SHFL: variants seen among roughly 807,000 people sequenced by gnomAD.
SHFL encodes shiftless antiviral inhibitor of ribosomal frameshifting protein.
SHFL carries 12 observed loss-of-function variants against 34.7 expected under a neutral mutation model. That is an observed-to-expected ratio of 0.35 (90% confidence interval 0.22 to 0.56). SHFL has a LOEUF of 0.56. SHFL is among the 20% of genes least tolerant of loss of function. SHFL has a pLI of 0.88. For synonymous variants in SHFL, 148 were observed against 156.0 expected (o/e 0.95, Z 0.38); for missense variants, 278 against 411.1 (o/e 0.68, Z 2.80).
chr19:10,092,541 C>T lies in SHFL; in HGVS notation c.*239C>T. The T allele has an allele frequency of 6.4e-7, 1 of 1,553,630 alleles. No individual in the cohort carries two copies. The highest frequency in any genetic ancestry group is 8.7e-7 in the Non-Finnish European group (1 of 1,146,574). ...AGGTGTGGCCAGAACAACTTGGGCT[C>T]CTGCTGACCAATGTCCTCTAGGGCC... is the stretch of plus-strand genomic sequence containing the variant. On this transcript the variant is annotated 3_prime_UTR_variant, in exon 8 of 8. Coordinates refer to ENST00000253110, the MANE Select transcript of SHFL (RefSeq NM_018381.4).
At chr19:10,087,091 C>T (rs754646972) in intron 2 of SHFL, 39 bp downstream of exon 2, 9 of 1,597,498 alleles carry the variant, frequency 5.6e-6, no homozygotes, top group East Asian at 2.3e-5. Context: ...GCGGGGACCG[C>T]GCGTGGGAGC....
At chr19:10,087,138 C>A (rs1477066680) in intron 2 of SHFL, 86 bp downstream of exon 2, 3 of 1,586,020 alleles carry the variant, frequency 1.9e-6, no homozygotes, top group Non-Finnish European at 1.7e-6. Flanking sequence ...GCGTTGAGAT[C>A]ACCTCCCCCG....
At position 10,086,723 on chromosome 19, in the gene SHFL, C is replaced by G; in HGVS notation, c.22-206C>G. On this transcript the variant is annotated intron_variant, in intron 1 of 7. Transcript: ENST00000253110. This position sits in a 1 kb window ranked among gnomAD's most constrained non-coding sequence, Gnocchi z 5.2. ...CCCCCCCACACCTTAGGCTGGGACGCTCGCCCCAGTCCGCGCCTTCCCCCA... is the reference window on the plus strand; with the variant it reads ...CCCCCCCACACCTTAGGCTGGGACGGTCGCCCCAGTCCGCGCCTTCCCCCA... The G allele has an allele frequency of 1.5e-6, 1 of 657,482 alleles. No homozygotes were observed. The highest frequency in any genetic ancestry group is 2.6e-6 in the Non-Finnish European group (1 of 390,212). The allele number at this position is 657,482 out of a possible 1,614,324, so 40.7% of individuals were successfully genotyped here.
At position 10,091,288 on chromosome 19, in the gene SHFL, A is replaced by T; in HGVS notation, c.423A>T (p.Pro141=). The T allele has an allele frequency of 1.2e-6, 2 of 1,613,918 alleles. No homozygotes were observed. Among genetic ancestry groups the T allele is most frequent in the Non-Finnish European group, 1.7e-6 (2 of 1,179,846 alleles). The change falls in exon 6 of 8, where the codon CCA becomes CCT. Residue 141 remains proline (P), a synonymous_variant. Coordinates refer to ENST00000253110, the MANE Select transcript of SHFL (RefSeq NM_018381.4). This position sits in a 1 kb window ranked among gnomAD's most constrained non-coding sequence, Gnocchi z 8.2. ...GGAAATGCCGGAAGCGCTACGAGCC[A>T]GTGCCAGCTGACAAGATGTGGGGCC... is the stretch of plus-strand genomic sequence containing the variant. ...RCRKCRKRYE[P]VPADKMWGLA...
rs1326075590 is a variant in SHFL at position 10,087,200 on chromosome 19, C to T, written c.146-51C>T. 7 of 1,610,148 alleles carry T rather than the reference C, an allele frequency of 4.3e-6. No individual in the cohort carries two copies. In the East Asian group the frequency reaches 1.6e-4, roughly 36 times the overall value. On this transcript the variant is annotated intron_variant, in intron 2 of 7. Coordinates refer to ENST00000253110, the MANE Select transcript of SHFL (RefSeq NM_018381.4). ...CGTCGCGGCTCTGGGTGGCCTGGAACTCCCACAGACCCTTCAAGGGCCCTT... is the reference window on the plus strand; with the variant it reads ...CGTCGCGGCTCTGGGTGGCCTGGAATTCCCACAGACCCTTCAAGGGCCCTT...
rs2088290657 is a variant in SHFL, at chr19:10,086,716, T to C, written c.22-213T>C. ...CTGGCCGCCCCCCCACACCTTAGGC[T>C]GGGACGCTCGCCCCAGTCCGCGCCT... On this transcript the variant is annotated intron_variant, in intron 1 of 7. Coordinates refer to ENST00000253110, the MANE Select transcript of SHFL (RefSeq NM_018381.4). This position sits in a 1 kb window ranked among gnomAD's most constrained non-coding sequence, Gnocchi z 5.2. 2 of 637,646 alleles carry C rather than the reference T, an allele frequency of 3.1e-6. No homozygotes were observed. The highest frequency in any genetic ancestry group is 6.0e-5 in the Admixed American group (2 of 33,396). The allele number at this position is 637,646 out of a possible 1,614,324, so 39.5% of individuals were successfully genotyped here. A position where few individuals can be genotyped will look rare whatever the true frequency, so the allele number is the denominator to read the frequency against.
intron 3 of SHFL, chr19:10,088,987 ATAATAT>A (rs1293907235): frequency 1.2e-3 from 182 of 145,924 alleles, no homozygotes; most frequent in Middle Eastern, 7.0e-3. Context: ...AATAATAATA[ATAATAT>A]TAGCAGAGAG....
Position 10,092,589 on chromosome 19 carries a change from T to C in SHFL, c.*287T>C, listed in dbSNP as rs754053602. 5.0e-6 allele frequency: 8 copies of C among 1,600,568 alleles called. No individual in the cohort carries two copies. Among genetic ancestry groups the C allele is most frequent in the Non-Finnish European group, 6.8e-6 (8 of 1,170,636 alleles). ...GCCTAGGGGACAGAGGAACACAGAG[T>C]CACAGCTTCAGGGGCCGAATGAGCA... On this transcript the variant is annotated 3_prime_UTR_variant, in exon 8 of 8. Transcript: ENST00000253110.
At position 10,092,602 on chromosome 19, in the gene SHFL, G is replaced by C; in HGVS notation, c.*300G>C. 6.2e-7 allele frequency: 1 copy of C among 1,606,906 alleles called. No individual in the cohort carries two copies. Among genetic ancestry groups the C allele is most frequent in the South Asian group, 1.1e-5 (1 of 90,586 alleles). ...AGGAACACAGAGTCACAGCTTCAGGGGCCGAATGAGCATGGCGGCCTTCCT... is the reference window on the plus strand; with the variant it reads ...AGGAACACAGAGTCACAGCTTCAGGCGCCGAATGAGCATGGCGGCCTTCCT... On this transcript the variant is annotated 3_prime_UTR_variant, in exon 8 of 8. Transcript: ENST00000253110.
At chr19:10,089,329 G>C (rs1454893510) in intron 3 of SHFL, 5 of 1,598,352 alleles carry the variant, frequency 3.1e-6, no homozygotes, top group Non-Finnish European at 4.2e-6. Context: ...TGGCCTCAAA[G>C]GGGCGATATG....
rs141813004 is a variant in SHFL, at chr19:10,092,715, G to A, written c.*413G>A. 3.2e-5 allele frequency: 52 copies of A among 1,613,920 alleles called. No individual in the cohort carries two copies. Among genetic ancestry groups the A allele is most frequent in the African/African-American group, 4.0e-5 (3 of 75,034 alleles). On this transcript the variant is annotated 3_prime_UTR_variant, in exon 8 of 8. Coordinates refer to ENST00000253110, the MANE Select transcript of SHFL (RefSeq NM_018381.4). ...AGTGGCCGCCGTGGTGCCACACACCGTTGAGGTTGGAGTGGGCACAGGCAT... is the reference window on the plus strand; with the variant it reads ...AGTGGCCGCCGTGGTGCCACACACCATTGAGGTTGGAGTGGGCACAGGCAT...
rs1482586708 is a variant in SHFL at position 10,091,092 on chromosome 19, A to T, written c.385-158A>T. Among the ~76,000 whole-genome samples the T allele has an allele frequency of 6.6e-6, 1 of 152,164 alleles. No individual in the cohort carries two copies. The highest frequency in any genetic ancestry group is 6.5e-5 in the Admixed American group (1 of 15,274). On this transcript the variant is annotated intron_variant, in intron 5 of 7. Coordinates refer to ENST00000253110, the MANE Select transcript of SHFL (RefSeq NM_018381.4). This position sits in a 1 kb window ranked among gnomAD's most constrained non-coding sequence, Gnocchi z 8.2. ...TTTCTGTGGTGTAAATATTCCCACC[A>T]TGGTCAATATCAGGCTACCCACGTG...
chr19:10,086,811 G>GA lies in SHFL; in HGVS notation c.22-118_22-117insA. 1 of 1,214,630 alleles carries GA rather than the reference G, an allele frequency of 8.2e-7. No individual in the cohort carries two copies. Among genetic ancestry groups the GA allele is most frequent in the Non-Finnish European group, 1.1e-6 (1 of 872,398 alleles). The allele number at this position is 1,214,630 out of a possible 1,614,324, so 75.2% of individuals were successfully genotyped here. A position where few individuals can be genotyped will look rare whatever the true frequency, so the allele number is the denominator to read the frequency against. On this transcript the variant is annotated intron_variant, in intron 1 of 7. Coordinates refer to ENST00000253110, the MANE Select transcript of SHFL (RefSeq NM_018381.4). This position sits in a 1 kb window ranked among gnomAD's most constrained non-coding sequence, Gnocchi z 5.2. ...CGTAAAGGGATGAAAGGCGGGGGGG[G>GA]GGCGGCGGAGGCCAAAACCAAGGGT...
rs2088426527 is a variant in SHFL, at chr19:10,092,842, A to G, written c.*540A>G. The G allele has an allele frequency of 1.5e-6, 2 of 1,375,640 alleles. No homozygotes were observed. Among genetic ancestry groups the G allele is most frequent in the Non-Finnish European group, 1.9e-6 (2 of 1,027,590 alleles). 85.2% of individuals were successfully genotyped at this position (1,375,640 alleles called of 1,614,324 possible). ...ATAAAAGCCTCTACCTGCACCTCAC[A>G]GTGCAAGGCTTTTGCCAGGCATCCC... On this transcript the variant is annotated 3_prime_UTR_variant, in exon 8 of 8. Transcript: ENST00000253110.
chr19:10,089,496 C>T, intron 3 of SHFL, 161 bp from the exon 4 acceptor site: 2 of 1,365,554 alleles, frequency 1.5e-6, no homozygotes, highest in South Asian at 1.2e-5. Flanking sequence ...ATGAGGACAA[C>T]TGAGGCCACA....
At chr19:10,087,362 C>T in intron 3 of SHFL, 62 bp downstream of exon 3, 1 of 1,585,898 alleles carries the variant, frequency 6.3e-7, no homozygotes. Flanking sequence ...GAGGGGGGAC[C>T]CGACCCGTTC....
chr19:10,091,118 A>C lies in SHFL; in HGVS notation c.385-132A>C, dbSNP rs564854130. The C allele has an allele frequency of 9.9e-5, 66 of 666,144 alleles. No individual in the cohort carries two copies. In the African/African-American group the frequency reaches 1.2e-3, roughly 12 times the overall value. 41.3% of individuals were successfully genotyped at this position (666,144 alleles called of 1,614,324 possible). The stretch of plus-strand genomic sequence containing the variant: ...TGGTCAATATCAGGCTACCCACGTG[A>C]AGTCACTGATTGAGTTGGGTTGCTC... On this transcript the variant is annotated intron_variant, in intron 5 of 7. Coordinates refer to ENST00000253110, the MANE Select transcript of SHFL (RefSeq NM_018381.4). This position sits in a 1 kb window ranked among gnomAD's most constrained non-coding sequence, Gnocchi z 8.2.
At chr19:10,087,994 C>G (rs2088315855) in intron 3 of SHFL, 1 of 152,342 alleles carries the variant, frequency 6.6e-6, no homozygotes, top group African/African-American at 2.4e-5. Context: ...GGCGCGGTGG[C>G]TCACGCCTGC....
rs560197029 is a variant in SHFL, at chr19:10,087,960, G to T, written c.195+660G>T. The T allele has an allele frequency of 9.7e-5, 15 of 154,832 alleles. No individual in the cohort carries two copies. In the South Asian group the frequency reaches 2.9e-3, roughly 29 times the overall value. The allele number at this position is 154,832 out of a possible 1,614,324, so 9.6% of individuals were successfully genotyped here. ...GCCTGCCTGAAAGGCTTAGTGTAGG[G>T]CTGTTAAAGAGTATAATAGGCCAGG... On this transcript the variant is annotated intron_variant, in intron 3 of 7. Coordinates refer to ENST00000253110, the MANE Select transcript of SHFL (RefSeq NM_018381.4).
Sources: allele counts gnomAD v4.1 joint callset (sites outside exome capture counted in the v4.1 genomes callset), GRCh38; gene constraint gnomAD v4.1.1; non-coding constraint Gnocchi (gnomAD v3.1); transcripts MANE v1.5; gene names NCBI Gene and HGNC (gene_info 2026-07-23, HGNC 2026-07-21).